FBXO25: variants seen among roughly 807,000 people sequenced by gnomAD.
FBXO25 encodes the protein F-box only protein 25.
In FBXO25, 45 loss-of-function variants were observed where a neutral mutation model predicts 51.9. That is an observed-to-expected ratio of 0.87 (90% CI 0.68 to 1.11). The LOEUF (loss-of-function observed/expected upper bound fraction) is 1.11. FBXO25 is among the 50% of genes most tolerant of loss of function. The pLI is 0.00. For synonymous variants in FBXO25, 199 were observed against 151.0 expected, an observed-to-expected ratio of 1.32 and a Z score of -2.33; for missense variants, 507 against 428.5, an observed-to-expected ratio of 1.18 and a Z score of -1.62.
At chr8:414,950 T>A (rs1448873811) in intron 2 of FBXO25, among the ~76,000 whole-genome samples, 1 of 152,188 alleles carries the variant, frequency 6.6e-6, no homozygotes. Context: ...TCCAAACCTG[T>A]GGGTAGAGGC....
At chr8:424,537 G>T (rs1797352426) in intron 2 of FBXO25, among the ~76,000 whole-genome samples, 1 of 152,118 alleles carries the variant, frequency 6.6e-6, no homozygotes, top group Admixed American at 6.5e-5. Flanking sequence ...GTTAATTTTT[G>T]TATATGCTGA....
At chr8:458,085 C>G (rs532287004) in intron 7 of FBXO25, among the ~76,000 whole-genome samples, 2 of 152,158 alleles carry the variant, frequency 1.3e-5, no homozygotes, top group African/African-American at 2.4e-5. Context: ...GAGTACTGAC[C>G]TCCTGATGCT....
intron 2 of FBXO25, among the ~76,000 whole-genome samples, chr8:423,201 TAGAG>T (rs765006276): frequency 2.8e-4 from 42 of 152,360 alleles, no homozygotes; most frequent in Admixed American, 2.2e-3. Flanking sequence ...CTGATGTAAA[TAGAG>T]AGGCTTAATA....
intron 7 of FBXO25, among the ~76,000 whole-genome samples, chr8:457,742 C>T (rs924511327): frequency 5.3e-5 from 8 of 152,166 alleles, no homozygotes; most frequent in African/African-American, 1.9e-4. Context: ...TGGGCTGTGG[C>T]CATCGGTTCA....
chr8:413,376 T>G (rs989298480), intron 2 of FBXO25, among the ~76,000 whole-genome samples, 163 bp downstream of exon 2: 1 of 152,152 alleles, frequency 6.6e-6, no homozygotes, highest in African/African-American at 2.4e-5. Context: ...GCTAGTAGAT[T>G]GCCTAATATT....
At chr8:450,361 C>T (rs1025613028) in intron 6 of FBXO25, among the ~76,000 whole-genome samples, 35 of 152,296 alleles carry the variant, frequency 2.3e-4, no homozygotes, top group African/African-American at 8.2e-4. Flanking sequence ...TCATGGTTAG[C>T]TAATCACAGT....
intron 5 of FBXO25, 104 bp downstream of exon 5, chr8:435,811 T>C (rs1798071084): frequency 2.0e-5 from 29 of 1,484,696 alleles, no homozygotes; most frequent in Non-Finnish European, 2.4e-5. Flanking sequence ...AGCTTGAAGG[T>C]GTGCCTGTTT....
rs76491196 is a variant in FBXO25, at chr8:473,321, G to C, written c.*4517G>C. 1 of 152,274 alleles carries C rather than the reference G, an allele frequency of 6.6e-6. No homozygotes were observed. Among genetic ancestry groups the C allele is most frequent in the Non-Finnish European group, 1.5e-5 (1 of 68,136 alleles). 9.4% of individuals were successfully genotyped at this position (152,274 alleles called of 1,614,324 possible). On this transcript the variant is annotated 3_prime_UTR_variant, in exon 10 of 10. Transcript: ENST00000350302. ...TGTGCCTAAAAAGCCCTGGCTCACA[G>C]CATGAGACAGTGTGTTCTAGGTGGT...
At chr8:432,036 G>T (rs1208975436) in intron 3 of FBXO25, among the ~76,000 whole-genome samples, 1 of 152,022 alleles carries the variant, frequency 6.6e-6, no homozygotes, top group Non-Finnish European at 1.5e-5. Context: ...TTATAATAAA[G>T]TTTAATTTAT....
intron 2 of FBXO25, among the ~76,000 whole-genome samples, chr8:414,883 A>G (rs976493526): frequency 1.3e-5 from 2 of 151,984 alleles, no homozygotes; most frequent in Non-Finnish European, 2.9e-5. Flanking sequence ...CCTGCTTCCT[A>G]CTCTGCCATT....
rs778473654 is a variant in FBXO25, at chr8:473,793, G to C, written c.*4989G>C. On this transcript the variant is annotated 3_prime_UTR_variant, in exon 10 of 10. Coordinates refer to ENST00000350302, the MANE Select transcript of FBXO25 (RefSeq NM_183420.2). ...GAGGACATCTGTGTCAAATAGAAGA[G>C]ACACCTCAACTGTCTCGTTTTTGCA... is the stretch of plus-strand genomic sequence containing the variant. 4 of 152,136 alleles carry C rather than the reference G, an allele frequency of 2.6e-5. No homozygotes were observed. Among genetic ancestry groups the C allele is most frequent in the Non-Finnish European group, 4.4e-5 (3 of 68,036 alleles). The allele number at this position is 152,136 out of a possible 1,614,324, so 9.4% of individuals were successfully genotyped here. A position where few individuals can be genotyped will look rare whatever the true frequency, so the allele number is the denominator to read the frequency against.
chr8:465,431 T>C (rs1226749441), intron 9 of FBXO25, among the ~76,000 whole-genome samples: 2 of 152,210 alleles, frequency 1.3e-5, no homozygotes, highest in African/African-American at 4.8e-5. Flanking sequence ...ATACCATTCA[T>C]AGAAGGGATA....
intron 2 of FBXO25, among the ~76,000 whole-genome samples, chr8:426,621 C>CGT (rs1797498398): frequency 1.3e-5 from 2 of 151,986 alleles, no homozygotes; most frequent in South Asian, 4.2e-4. Context: ...ACCCTGTGCA[C>CGT]AGAGTGTCTG....
At chr8:449,359 C>G (rs1354706074) in intron 5 of FBXO25, among the ~76,000 whole-genome samples, 1 of 152,238 alleles carries the variant, frequency 6.6e-6, no homozygotes. Flanking sequence ...TCATCATTCC[C>G]ACAGGAGACC....
chr8:462,902 A>G (rs1401202702), intron 8 of FBXO25, 105 bp from the exon 9 acceptor site: 2 of 1,339,954 alleles, frequency 1.5e-6, no homozygotes, highest in Non-Finnish European at 2.0e-6. Context: ...ATTGAAGTTT[A>G]AAAAAAGAAA....
intron 5 of FBXO25, among the ~76,000 whole-genome samples, chr8:444,304 C>G (rs1330993000): frequency 2.6e-5 from 4 of 152,090 alleles, no homozygotes; most frequent in African/African-American, 9.7e-5. Flanking sequence ...CTTTCTCTGC[C>G]CTTCCCCATG....
Position 446,759 on chromosome 8 carries a change from T to C in FBXO25, c.382-3231T>C, listed in dbSNP as rs185003084. On this transcript the variant is annotated intron_variant, in intron 5 of 9. Coordinates refer to ENST00000350302, the MANE Select transcript of FBXO25 (RefSeq NM_183420.2). ...AGTGCCCTCAACTGGTGTGTTTTAG[T>C]GTAAGATATTTTTATGTAAATATGT... Among the ~76,000 whole-genome samples the C allele has an allele frequency of 7.9e-3, 1,199 of 152,334 alleles. 13 individuals carry two copies. The highest frequency in any genetic ancestry group is 0.027 in the African/African-American group (1,110 of 41,570).
In FBXO25 at chr8:476,520, T is replaced by A. The variant is rs1351267291; in HGVS notation, c.*7716T>A. Reference sequence around the variant, plus strand: ...TCTTGGGAGGCTTTTCTTTACTACTTCATGCTCTTGACTAGCATAGGTCTG... The same window carrying A: ...TCTTGGGAGGCTTTTCTTTACTACTACATGCTCTTGACTAGCATAGGTCTG... On this transcript the variant is annotated 3_prime_UTR_variant, in exon 10 of 10. Transcript: ENST00000350302. The A allele has an allele frequency of 2.0e-5, 3 of 152,188 alleles. No individual in the cohort carries two copies. Among genetic ancestry groups the A allele is most frequent in the Non-Finnish European group, 1.5e-5 (1 of 68,026 alleles). 9.4% of individuals were successfully genotyped at this position (152,188 alleles called of 1,614,324 possible). A position where few individuals can be genotyped will look rare whatever the true frequency, so the allele number is the denominator to read the frequency against.
Position 462,991 on chromosome 8 carries a change from A to T in FBXO25, c.844-16A>T, listed in dbSNP as rs202208815. 6.3e-7 allele frequency: 1 copy of T among 1,596,356 alleles called. No homozygotes were observed. The highest frequency in any genetic ancestry group is 1.3e-5 in the African/African-American group (1 of 74,090). On this transcript the variant is annotated splice_polypyrimidine_tract_variant and intron_variant, in intron 8 of 9. Coordinates refer to ENST00000350302, the MANE Select transcript of FBXO25 (RefSeq NM_183420.2). ...GTCATCTTATGCGGATTCTGAATGG[A>T]GTTTTGTTTGTTTAGTTTTGTAGAC...
Sources: allele counts gnomAD v4.1 joint callset (sites outside exome capture counted in the v4.1 genomes callset), GRCh38; gene constraint gnomAD v4.1.1; transcripts MANE v1.5; gene names NCBI Gene and HGNC (gene_info 2026-07-23, HGNC 2026-07-21).